Variants in TTC28 observed in about 807,000 individuals in gnomAD.
TTC28 encodes the protein tetratricopeptide repeat domain 28.
A neutral mutation model predicts 198.0 loss-of-function variants in TTC28; 61 were observed. That is an observed-to-expected ratio of 0.31 (90% confidence interval 0.25 to 0.38). The LOEUF (loss-of-function observed/expected upper bound fraction) is 0.38, where lower values mean the gene tolerates loss of function less well. Among genes scored for constraint, TTC28 ranks in the 10% least tolerant of loss-of-function variants. TTC28 has a pLI of 1.00. For synonymous variants in TTC28, 1,171 were observed against 1,297.8 expected (o/e 0.90, Z 2.10); for missense variants, 2,678 against 3,164.0 (o/e 0.85, Z 3.69).
intron 17 of TTC28, among the ~76,000 whole-genome samples, 189 bp downstream of exon 17, chr22:27,995,946 G>A (rs554354714): frequency 1.1e-4 from 17 of 152,320 alleles, no homozygotes; most frequent in Admixed American, 1.0e-3. Flanking sequence ...ACGCTTTGCT[G>A]GGACATGGGT....
chr22:28,495,215 G>A (rs763622309), intron 2 of TTC28, among the ~76,000 whole-genome samples: 4 of 152,072 alleles, frequency 2.6e-5, no homozygotes, highest in Admixed American at 6.6e-5. Flanking sequence ...GTTTTTAGAC[G>A]GGAAGTTGTC....
At chr22:28,676,464 T>A (rs1257885392) in intron 1 of TTC28, among the ~76,000 whole-genome samples, 1 of 152,184 alleles carries the variant, frequency 6.6e-6, no homozygotes, top group Non-Finnish European at 1.5e-5. Flanking sequence ...GTGAACATAT[T>A]ATAAACCACA....
chr22:28,568,182 G>A (rs1459587532), intron 2 of TTC28, among the ~76,000 whole-genome samples: 1 of 152,118 alleles, frequency 6.6e-6, no homozygotes, highest in Non-Finnish European at 1.5e-5. Flanking sequence ...GAGAATGAAA[G>A]TACAGAAAGT....
In TTC28 at chr22:28,455,880, C is replaced by G. The variant is rs115525876; in HGVS notation, c.382-149237G>C. 3.1e-3 allele frequency among the ~76,000 whole-genome samples: 467 copies of G among 152,054 alleles called. 4 individuals are homozygous for G. The highest frequency in any genetic ancestry group is 0.011 in the African/African-American group (447 of 41,478). On this transcript the variant is annotated intron_variant, in intron 2 of 22. Coordinates refer to ENST00000397906, the MANE Select transcript of TTC28 (RefSeq NM_001145418.2). ...AATTTGCTTTGTAAAGAATGCTGGA[C>G]CAAGTATTGTGGGTCATGCCTGTAA...
chr22:28,110,506 A>C (rs1476650959), intron 6 of TTC28, among the ~76,000 whole-genome samples: 1 of 152,212 alleles, frequency 6.6e-6, no homozygotes, highest in Admixed American at 6.5e-5. Flanking sequence ...AGGAAAGGAA[A>C]TTCTTAAGGT....
intron 5 of TTC28, among the ~76,000 whole-genome samples, chr22:28,242,908 G>A (rs1015088813): frequency 1.1e-4 from 17 of 151,928 alleles, no homozygotes; most frequent in African/African-American, 3.6e-4. Flanking sequence ...CTCAAAGTAT[G>A]TAGAATGGTG....
At chr22:28,577,933 T>C (rs949098602) in intron 2 of TTC28, among the ~76,000 whole-genome samples, 5 of 152,156 alleles carry the variant, frequency 3.3e-5, no homozygotes, top group Non-Finnish European at 7.4e-5. Context: ...CCTATGACTT[T>C]TGATTGGAGT....
chr22:28,253,386 A>C (rs1032428576), intron 5 of TTC28, among the ~76,000 whole-genome samples: 1 of 152,218 alleles, frequency 6.6e-6, no homozygotes, highest in Admixed American at 6.5e-5. Flanking sequence ...AAATTGCCTA[A>C]ATCACCACTA....
At chr22:28,645,559 C>T (rs1037271521) in intron 1 of TTC28, among the ~76,000 whole-genome samples, 1 of 149,698 alleles carries the variant, frequency 6.7e-6, no homozygotes, top group African/African-American at 2.5e-5. Flanking sequence ...CCCAGGAGTC[C>T]AGGGGTGCAG....
rs369464204 is a variant in TTC28, at chr22:28,297,797, G to C, written c.585C>G (p.Pro195=). ...GCCCAACCACAGACACGACCACAAA[G>C]GGACTCTTGTCCAGTTTCATTTTCT... is the stretch of plus-strand genomic sequence containing the variant. ...QLQKMKLDKS[P]FVVVSVVGQE... Residue 195 remains proline (P), a synonymous_variant, in exon 4 of 23, where the codon CCC becomes CCG. Coordinates refer to ENST00000397906, the MANE Select transcript of TTC28 (RefSeq NM_001145418.2). The C allele has an allele frequency of 5.0e-5, 77 of 1,551,562 alleles. No individual in the cohort carries two copies. The African/African-American group carries it at 9.0e-4, about 18-fold the overall frequency.
At chr22:28,653,447 G>A (rs981524497) in intron 1 of TTC28, among the ~76,000 whole-genome samples, 3 of 151,728 alleles carry the variant, frequency 2.0e-5, no homozygotes, top group African/African-American at 7.3e-5. Flanking sequence ...AGACTGCAGT[G>A]AGCTGAGATG....
At chr22:28,455,243 C>T (rs1428794769) in intron 2 of TTC28, among the ~76,000 whole-genome samples, 2 of 152,140 alleles carry the variant, frequency 1.3e-5, no homozygotes, top group African/African-American at 4.8e-5. Flanking sequence ...AGGTACATAT[C>T]ATAAATGGCA....
intron 14 of TTC28, 145 bp from the exon 15 acceptor site, chr22:28,001,698 C>G: frequency 2.1e-6 from 2 of 951,974 alleles, no homozygotes; most frequent in Non-Finnish European, 3.1e-6. Context: ...GGGGCATGGG[C>G]CGAGTTGCAG....
At chr22:28,308,870 T>C (rs1403126707) in intron 2 of TTC28, among the ~76,000 whole-genome samples, 1 of 152,176 alleles carries the variant, frequency 6.6e-6, no homozygotes, top group Non-Finnish European at 1.5e-5. Context: ...GATTTACCTG[T>C]TAAAAGCTTA....
intron 3 of TTC28, among the ~76,000 whole-genome samples, chr22:28,303,364 A>G (rs187524486): frequency 1.3e-5 from 2 of 152,354 alleles, no homozygotes; most frequent in African/African-American, 4.8e-5. Context: ...GAAAGTATCA[A>G]TTTGTATTTA....
At chr22:28,059,853 A>C (rs2146732398) in intron 12 of TTC28, among the ~76,000 whole-genome samples, 1 of 147,878 alleles carries the variant, frequency 6.8e-6, no homozygotes, top group East Asian at 1.9e-4. Flanking sequence ...ATTAATATTT[A>C]ATCTGACTGA....
At chr22:28,515,513 T>C (rs1402930811) in intron 2 of TTC28, among the ~76,000 whole-genome samples, 1 of 152,212 alleles carries the variant, frequency 6.6e-6, no homozygotes, top group Non-Finnish European at 1.5e-5. Context: ...CAGCATGCTG[T>C]TTGCTAAAGT....
chr22:28,212,175 G>A (rs1458237080), intron 5 of TTC28, among the ~76,000 whole-genome samples: 2 of 151,988 alleles, frequency 1.3e-5, no homozygotes, highest in African/African-American at 2.4e-5. Flanking sequence ...GAGAAAGCAG[G>A]AAAGTTCTAA....
At chr22:28,242,192 G>A (rs1010753408) in intron 5 of TTC28, among the ~76,000 whole-genome samples, 7 of 152,170 alleles carry the variant, frequency 4.6e-5, no homozygotes, top group African/African-American at 1.7e-4. Context: ...TGTGACTAGT[G>A]TCTACTCTCC....
Sources: gnomAD v4.1 joint callset for allele counts (sites outside exome capture counted in the v4.1 genomes callset) on GRCh38, gnomAD v4.1.1 for gene constraint, MANE v1.5 for transcripts, NCBI Gene and HGNC (gene_info 2026-07-23, HGNC 2026-07-21) for gene names.